Variants in FNDC1 observed in about 807,000 individuals in gnomAD.
FNDC1 encodes fibronectin type III domain-containing protein 1.
Under a neutral mutation model 168.0 loss-of-function variants are expected in FNDC1, and 96 were observed. The observed-to-expected ratio is 0.57, with a 90% CI of 0.48 to 0.68. FNDC1 has a LOEUF of 0.68. Ranked by LOEUF, FNDC1 falls within the 30% of genes least tolerant of loss-of-function variation. FNDC1 has a pLI of 0.00. For missense variants in FNDC1, 2,587 were observed against 2,482.1 expected, an observed-to-expected ratio of 1.04 and a Z score of -0.90; for synonymous variants, 1,099 against 1,025.9, an observed-to-expected ratio of 1.07 and a Z score of -1.36.
At position 159,233,868 on chromosome 6, in the gene FNDC1, C is replaced by G. The variant is rs1367635806; in HGVS notation, c.3356C>G (p.Ala1119Gly). 6.5e-7 allele frequency: 1 copy of G among 1,547,246 alleles called. No homozygotes were observed. Among genetic ancestry groups the G allele is most frequent in the Non-Finnish European group, 8.7e-7 (1 of 1,145,296 alleles). Residue 1119 changes from alanine to glycine, a missense_variant, in exon 11 of 23, where the codon GCA becomes GGA. By Grantham distance (60) the Ala-to-Gly change is moderately conservative (BLOSUM62 0). Coordinates refer to ENST00000297267, the MANE Select transcript of FNDC1 (RefSeq NM_032532.3). The surrounding 1 kb of genome is among the most constrained non-coding windows in gnomAD (Gnocchi z 4.6). Reference protein sequence around the residue: ...KHQQVESPTGAGAGGDHRSQR... With the variant: ...KHQQVESPTGGGAGGDHRSQR... Reference sequence around the variant, plus strand: ...CAGCAGGTGGAGTCTCCCACAGGCGCAGGGGCAGGTGGCGACCACAGGTCC... The same window carrying G: ...CAGCAGGTGGAGTCTCCCACAGGCGGAGGGGCAGGTGGCGACCACAGGTCC...
chr6:159,209,636 C>G (rs1447318680), intron 4 of FNDC1, among the ~76,000 whole-genome samples: 1 of 152,162 alleles, frequency 6.6e-6, no homozygotes, highest in African/African-American at 2.4e-5. Context: ...CTGTGGGCAG[C>G]AGAAATCTCG....
chr6:159,260,422 C>T (rs1232462374), intron 18 of FNDC1, among the ~76,000 whole-genome samples: 2 of 152,234 alleles, frequency 1.3e-5, no homozygotes, highest in Non-Finnish European at 2.9e-5. Context: ...CTTTCCAGCA[C>T]ATTCTCTGTT....
rs1363917722 is a variant in FNDC1, at chr6:159,251,526, G to C, written c.5059G>C (p.Val1687Leu). 3 of 1,613,072 alleles carry C rather than the reference G, an allele frequency of 1.9e-6. No individual in the cohort carries two copies. In the South Asian group the frequency reaches 3.3e-5, roughly 18 times the overall value. Residue 1687 changes from valine (V) to leucine (L), a missense_variant, in exon 17 of 23, where the codon GTC (valine) becomes CTC (leucine). By Grantham distance (32) the Val-to-Leu change is conservative. Transcript: ENST00000297267. ...GGACAAAGCCACCCCAGGAGATGTG[G>C]TCACAGGTGTGTCCTAAGCAGAAAT... Reference protein sequence around the residue: ...DWDKATPGDVVTGYLVYSASY... With the variant: ...DWDKATPGDVLTGYLVYSASY...
Position 159,200,081 on chromosome 6 carries a change from T to C in FNDC1, c.390T>C (p.Pro130=), listed in dbSNP as rs528063750. 1.9e-6 allele frequency: 3 copies of C among 1,590,244 alleles called. No homozygotes were observed. Among genetic ancestry groups the C allele is most frequent in the East Asian group, 2.3e-5 (1 of 43,914 alleles). ...SRPVYRAESP[P]GGEWIEIDGF... ...CTGTTTACAGAGCTGAAAGCCCACC[T>C]GGTAAGTCCTATCTAGAATCAGAGG... Residue 130 remains proline (P), a splice_region_variant and synonymous_variant, in exon 3 of 23, where the codon CCT becomes CCC. Coordinates refer to ENST00000297267, the MANE Select transcript of FNDC1 (RefSeq NM_032532.3).
Position 159,251,364 on chromosome 6 carries a change from G to C in FNDC1, c.4897G>C (p.Asp1633His). 6.2e-7 allele frequency: 1 copy of C among 1,613,934 alleles called. No individual in the cohort carries two copies. Among genetic ancestry groups the C allele is most frequent in the Non-Finnish European group, 8.5e-7 (1 of 1,179,878 alleles). Residue 1633 changes from aspartate (D) to histidine (H), a missense_variant, in exon 17 of 23, where the codon GAT (aspartate) becomes CAT (histidine). Coordinates refer to ENST00000297267, the MANE Select transcript of FNDC1 (RefSeq NM_032532.3). ...SAPCSLTDAL[D>H]HFQVDSLDEI... ...CCCGTGCTCTCTGACTGATGCACTG[G>C]ATCACTTCCAAGTGGACAGCCTGGA...
intron 17 of FNDC1, among the ~76,000 whole-genome samples, chr6:159,255,955 A>G (rs1046679609): frequency 6.6e-6 from 1 of 152,186 alleles, no homozygotes; most frequent in African/African-American, 2.4e-5. Flanking sequence ...TGGACAATAG[A>G]AAGAAGAGCT....
chr6:159,183,101 G>A lies in FNDC1; in HGVS notation c.109+13396G>A, dbSNP rs529715576. Among the ~76,000 whole-genome samples the A allele has an allele frequency of 8.5e-5, 13 of 152,284 alleles. No homozygotes were observed. In the East Asian group the frequency reaches 2.3e-3, roughly 27 times the overall value. ...ATGTTGATGTTATCTCACATGTGTG[G>A]AGTGTTTTATGATTTTCTTTCATAT... On this transcript the variant is annotated intron_variant, in intron 1 of 22. Coordinates refer to ENST00000297267, the MANE Select transcript of FNDC1 (RefSeq NM_032532.3).
intron 22 of FNDC1, among the ~76,000 whole-genome samples, chr6:159,270,140 G>A (rs1777711344): frequency 6.6e-6 from 1 of 152,146 alleles, no homozygotes; most frequent in Non-Finnish European, 1.5e-5. Flanking sequence ...CAGTGACCTA[G>A]AGGTGACCTA....
Position 159,225,574 on chromosome 6 carries a change from C to T in FNDC1, c.924C>T (p.Ala308=). 6.2e-7 allele frequency: 1 copy of T among 1,613,544 alleles called. No individual in the cohort carries two copies. Among genetic ancestry groups the T allele is most frequent in the Non-Finnish European group, 8.5e-7 (1 of 1,179,706 alleles). The change falls in exon 8 of 23, where the codon GCC becomes GCT. Residue 308 remains alanine, a synonymous_variant. Transcript: ENST00000297267. The part of the protein sequence containing the change: ...TVRYREKGEL[A]RWDYKQIANR... ...GCTATCGAGAGAAGGGGGAATTGGC[C>T]AGGTGGGATTATAAGCAGATCGCTA...
At chr6:159,208,013 C>G (rs294914) in intron 4 of FNDC1, among the ~76,000 whole-genome samples, 16,306 of 152,258 alleles carry the variant, frequency 0.11, 1,245 homozygotes, top group African/African-American at 0.22. Flanking sequence ...TTCTGTGGCC[C>G]TCATGAATCC....
chr6:159,170,306 G>A (rs1781626664), intron 1 of FNDC1, among the ~76,000 whole-genome samples: 1 of 152,234 alleles, frequency 6.6e-6, no homozygotes, highest in Non-Finnish European at 1.5e-5. Flanking sequence ...GGGAGAAAAT[G>A]TTTGTCTTGA....
intron 14 of FNDC1, among the ~76,000 whole-genome samples, chr6:159,245,615 C>T (rs1783523796): frequency 6.6e-6 from 1 of 152,148 alleles, no homozygotes; most frequent in South Asian, 2.1e-4. Flanking sequence ...ACATCTTTCC[C>T]AAAAGACTTC....
intron 18 of FNDC1, among the ~76,000 whole-genome samples, chr6:159,260,461 G>A (rs889097867): frequency 5.3e-5 from 8 of 152,178 alleles, no homozygotes; most frequent in African/African-American, 1.7e-4. Context: ...CTACAGAAAA[G>A]CCTCTCTCTC....
chr6:159,234,966 G>A (rs1783213528), intron 11 of FNDC1, among the ~76,000 whole-genome samples: 1 of 152,210 alleles, frequency 6.6e-6, no homozygotes, highest in African/African-American at 2.4e-5. Context: ...GGCTTATCTT[G>A]TTCTTGTCTT....
intron 1 of FNDC1, among the ~76,000 whole-genome samples, chr6:159,183,912 GC>G (rs747583898): frequency 3.3e-5 from 5 of 152,178 alleles, no homozygotes; most frequent in Non-Finnish European, 7.4e-5. Flanking sequence ...GCCACCACTG[GC>G]TTTCAGTTTT....
At position 159,257,419 on chromosome 6, in the gene FNDC1, C is replaced by T. The variant is rs55983106; in HGVS notation, c.5174+788C>T. 5.2e-3 allele frequency among the ~76,000 whole-genome samples: 794 copies of T among 152,320 alleles called. 6 individuals are homozygous for T. The highest frequency in any genetic ancestry group is 0.018 in the African/African-American group (747 of 41,552). ...CCAATTTTAAGCCACCATGGGCTTGCAGACTTCCTGAATACTTAATGACTG... is the reference window on the plus strand; with the variant it reads ...CCAATTTTAAGCCACCATGGGCTTGTAGACTTCCTGAATACTTAATGACTG... On this transcript the variant is annotated intron_variant, in intron 18 of 22. Coordinates refer to ENST00000297267, the MANE Select transcript of FNDC1 (RefSeq NM_032532.3).
intron 1 of FNDC1, among the ~76,000 whole-genome samples, chr6:159,194,447 T>A (rs1410998713): frequency 6.6e-6 from 1 of 152,232 alleles, no homozygotes; most frequent in Non-Finnish European, 1.5e-5. Context: ...CTATGATTCA[T>A]TTGTCCAGCA....
intron 19 of FNDC1, among the ~76,000 whole-genome samples, 186 bp downstream of exon 19, chr6:159,261,455 G>A (rs1408855055): frequency 6.6e-6 from 1 of 152,156 alleles, no homozygotes; most frequent in Non-Finnish European, 1.5e-5. Flanking sequence ...AAAATTAAAA[G>A]TAGTTTTCAC....
Position 159,261,763 on chromosome 6 carries a change from C to G in FNDC1, c.5254+494C>G, listed in dbSNP as rs183031768. 1.6e-4 allele frequency among the ~76,000 whole-genome samples: 25 copies of G among 152,176 alleles called. No homozygotes were observed. The East Asian group carries it at 4.4e-3, about 27-fold the overall frequency. On this transcript the variant is annotated intron_variant, in intron 19 of 22. Coordinates refer to ENST00000297267, the MANE Select transcript of FNDC1 (RefSeq NM_032532.3). ...TAAGCAGTATCATTCAGAGCATGCC[C>G]TTGCATTTTGGGGTGCTGGTGGGCA...
Sources: allele counts gnomAD v4.1 joint callset (sites outside exome capture counted in the v4.1 genomes callset), GRCh38; gene constraint gnomAD v4.1.1; non-coding constraint Gnocchi (gnomAD v3.1); transcripts MANE v1.5; gene names NCBI Gene and HGNC (gene_info 2026-07-23, HGNC 2026-07-21).